The following ITGAE variants were observed in gnomAD, a reference collection of about 807,000 sequenced individuals.
The protein encoded by ITGAE is integrin subunit alpha E, also known as integrin alpha-E.
Under a neutral mutation model 136.5 loss-of-function variants are expected in ITGAE, and 99 were observed. That is an observed-to-expected ratio of 0.73 (90% confidence interval 0.62 to 0.86). The LOEUF (loss-of-function observed/expected upper bound fraction) is 0.86. Among genes scored for constraint, ITGAE ranks in the 40% least tolerant of loss-of-function variants. ITGAE has a pLI of 0.00. For missense variants in ITGAE, 1,447 were observed against 1,515.3 expected, an observed-to-expected ratio of 0.95 and a Z score of 0.75; for synonymous variants, 613 against 591.8, an observed-to-expected ratio of 1.04 and a Z score of -0.52.
At chr17:3,770,694 ATCC>A (rs1270257755) in intron 2 of ITGAE, among the ~76,000 whole-genome samples, 1 of 152,008 alleles carries the variant, frequency 6.6e-6, no homozygotes, top group Non-Finnish European at 1.5e-5. Flanking sequence ...CTCCCACCAC[ATCC>A]TCCTCCCCAG....
chr17:3,731,092 G>A lies in ITGAE; in HGVS notation c.2834+12C>T, dbSNP rs762200614. On this transcript the variant is annotated intron_variant, in intron 23 of 30. Transcript: ENST00000263087. ...CATAGCCTGACTCTGCTGTGACCCA[G>A]GCAGTACTTACTTGGTGACAGTCAC... 7.5e-6 allele frequency: 12 copies of A among 1,607,582 alleles called. No homozygotes were observed. The Admixed American group carries it at 2.0e-4, about 27-fold the overall frequency.
intron 2 of ITGAE, among the ~76,000 whole-genome samples, chr17:3,773,831 G>A (rs2052481923): frequency 6.6e-6 from 1 of 152,272 alleles, no homozygotes. Context: ...GAAGCTATCT[G>A]GGGGCTGCCG....
chr17:3,745,976 G>A lies in ITGAE; in HGVS notation c.2156-49C>T, dbSNP rs75840428. On this transcript the variant is annotated intron_variant, in intron 17 of 30. Transcript: ENST00000263087. Reference sequence around the variant, plus strand: ...CCGATGAGGTGGGGATGAGCCAGCCGCAGACAGAAGGCCCCCAGCCTGCCT... The same window carrying A: ...CCGATGAGGTGGGGATGAGCCAGCCACAGACAGAAGGCCCCCAGCCTGCCT... 1,604 of 1,554,536 alleles carry A rather than the reference G, an allele frequency of 1.0e-3. 15 individuals carry two copies. In the African/African-American group the frequency reaches 0.017, roughly 17 times the overall value.
chr17:3,728,036 A>T lies in ITGAE; in HGVS notation c.2977-10T>A, dbSNP rs1363647648. Reference sequence around the variant, plus strand: ...GGTTCTCCCCATGTACCTGCAAATTAAAATCAGAGTAGGAAATCAAAGCTG... The same window carrying T: ...GGTTCTCCCCATGTACCTGCAAATTTAAATCAGAGTAGGAAATCAAAGCTG... On this transcript the variant is annotated splice_polypyrimidine_tract_variant and intron_variant, in intron 25 of 30. Coordinates refer to ENST00000263087, the MANE Select transcript of ITGAE (RefSeq NM_002208.5). 1.9e-6 allele frequency: 3 copies of T among 1,611,388 alleles called. No individual in the cohort carries two copies. In the Admixed American group the frequency reaches 5.0e-5, roughly 27 times the overall value.
intron 19 of ITGAE, among the ~76,000 whole-genome samples, chr17:3,741,070 A>AT (rs58434003): frequency 0.35 from 26,869 of 76,982 alleles, 5,811 homozygotes; most frequent in Non-Finnish European, 0.41. Context: ...TTTTTGTTGT[A>AT]TTTTTTTTTT....
Position 3,756,382 on chromosome 17 carries a change from C to T in ITGAE, c.1172-485G>A, listed in dbSNP as rs59173562. Among the ~76,000 whole-genome samples the T allele has an allele frequency of 9.2e-3, 1,385 of 150,708 alleles. 22 individuals are homozygous for T. Among genetic ancestry groups the T allele is most frequent in the African/African-American group, 0.029 (1,176 of 41,024 alleles). On this transcript the variant is annotated intron_variant, in intron 10 of 30. Transcript: ENST00000263087. ...CAAGTAGCTGGGAATAGAGGTCATG[C>T]GCCACCACGCCTGGCTAATTTTTTT...
At chr17:3,791,576 C>T (rs927497564) in intron 1 of ITGAE, among the ~76,000 whole-genome samples, 1 of 152,178 alleles carries the variant, frequency 6.6e-6, no homozygotes, top group Non-Finnish European at 1.5e-5. Flanking sequence ...AGCCACCACG[C>T]CCGGCCCTTC....
chr17:3,796,643 G>A (rs1206865916), intron 1 of ITGAE, among the ~76,000 whole-genome samples: 11 of 151,068 alleles, frequency 7.3e-5, no homozygotes, highest in African/African-American at 2.7e-4. Context: ...AGCTACACCA[G>A]TGTCTGTCAC....
intron 1 of ITGAE, among the ~76,000 whole-genome samples, chr17:3,797,708 G>A (rs954641697): frequency 1.1e-4 from 17 of 150,970 alleles, no homozygotes; most frequent in African/African-American, 1.7e-4. Context: ...TGCTCTGCCC[G>A]CCTTGGCCTC....
chr17:3,726,585 C>T (rs574317124), intron 26 of ITGAE: 10 of 448,464 alleles, frequency 2.2e-5, no homozygotes, highest in African/African-American at 1.2e-4. Flanking sequence ...CCCAGCTACT[C>T]GGGAGGCTGA....
chr17:3,765,849 C>G (rs1567544273), intron 2 of ITGAE, among the ~76,000 whole-genome samples: 1 of 152,212 alleles, frequency 6.6e-6, no homozygotes, highest in Non-Finnish European at 1.5e-5. Context: ...GGCACACTCT[C>G]CCTAGTGATC....
At position 3,731,203 on chromosome 17, in the gene ITGAE, A is replaced by G. The variant is rs1304431481; in HGVS notation, c.2755-20T>C. 4.4e-6 allele frequency: 7 copies of G among 1,600,852 alleles called. No homozygotes were observed. The highest frequency in any genetic ancestry group is 6.0e-6 in the Non-Finnish European group (7 of 1,168,316). On this transcript the variant is annotated intron_variant, in intron 22 of 30. Coordinates refer to ENST00000263087, the MANE Select transcript of ITGAE (RefSeq NM_002208.5). ...ATGAGCCTATTTTAAAGGGGGAAAA[A>G]TGGTCAGTTGATTCTCTCTATGCCA...
rs535862662 is a variant in ITGAE, at chr17:3,761,409, C to T, written c.427G>A (p.Asp143Asn). 8.7e-6 allele frequency: 14 copies of T among 1,611,000 alleles called. No individual in the cohort carries two copies. The highest frequency in any genetic ancestry group is 2.2e-5 in the East Asian group (1 of 44,876). The change falls in exon 5 of 31, where the codon GAC becomes AAC. Residue 143 changes from aspartate to asparagine, a missense_variant. Coordinates refer to ENST00000263087, the MANE Select transcript of ITGAE (RefSeq NM_002208.5). ...LRPQAQANFF[D>N]LENLLDPDAR... ...GTGAATGTCCAATCCTTACCAAGGT[C>T]GAAGAAGTTGGCCTGAGCCTGGGGA...
At chr17:3,764,457 G>A (rs2052245959) in intron 2 of ITGAE, among the ~76,000 whole-genome samples, 1 of 152,244 alleles carries the variant, frequency 6.6e-6, no homozygotes, top group African/African-American at 2.4e-5. Context: ...AGCACTTTGG[G>A]AGGCTGAGGC....
At chr17:3,785,078 G>A (rs1846896553) in intron 1 of ITGAE, among the ~76,000 whole-genome samples, 1 of 152,160 alleles carries the variant, frequency 6.6e-6, no homozygotes, top group African/African-American at 2.4e-5. Context: ...CTTGAGCCCA[G>A]GAGGTGGAGG....
chr17:3,753,337 C>G lies in ITGAE; in HGVS notation c.1621G>C (p.Val541Leu). The part of the protein sequence containing the change: ...FLLVAAPFYH[V>L]HGEEGRVYVY... Reference sequence around the variant, plus strand: ...TAGACTCTGCCTTCTTCTCCATGAACGTGGTAAAATGGAGCAGCCACCAGC... The same window carrying G: ...TAGACTCTGCCTTCTTCTCCATGAAGGTGGTAAAATGGAGCAGCCACCAGC... Residue 541 changes from valine to leucine, a missense_variant, in exon 14 of 31, where the codon GTT becomes CTT. By Grantham distance (32) the Val-to-Leu change is conservative. Coordinates refer to ENST00000263087, the MANE Select transcript of ITGAE (RefSeq NM_002208.5). 6.2e-7 allele frequency: 1 copy of G among 1,614,176 alleles called. No homozygotes were observed.
chr17:3,796,148 CGTGT>C lies in ITGAE; in HGVS notation c.34+4959_34+4962del, dbSNP rs71155807. 1.3e-3 allele frequency among the ~76,000 whole-genome samples: 164 copies of C among 130,350 alleles called. 7 individuals are homozygous for C. The highest frequency in any genetic ancestry group is 2.2e-3 in the African/African-American group (76 of 34,080). 85.5% of individuals were successfully genotyped at this position (130,350 alleles called of 152,430 possible). Reference sequence around the variant, plus strand: ...GTGTGTGCATCCATGTGTGTGCATCCGTGTGTGTGTGTGTGTGCATCCGTGTGTG... The same window carrying C: ...GTGTGTGCATCCATGTGTGTGCATCCGTGTGTGTGTGTGCATCCGTGTGTG... On this transcript the variant is annotated intron_variant, in intron 1 of 30. Coordinates refer to ENST00000263087, the MANE Select transcript of ITGAE (RefSeq NM_002208.5).
At position 3,717,020 on chromosome 17, in the gene ITGAE, C is replaced by T. The variant is rs555119696; in HGVS notation, c.3334-222G>A. 5.2e-5 allele frequency: 24 copies of T among 457,900 alleles called. No homozygotes were observed. The East Asian group carries it at 8.5e-4, about 16-fold the overall frequency. The allele number at this position is 457,900 out of a possible 1,614,324, so 28.4% of individuals were successfully genotyped here. On this transcript the variant is annotated intron_variant, in intron 29 of 30. Transcript: ENST00000263087. Reference sequence around the variant, plus strand: ...ATACTTCGTAAGAAACTATTCTGGCCCCTTATCTAGAAGGGCTAGGTCTGT... The same window carrying T: ...ATACTTCGTAAGAAACTATTCTGGCTCCTTATCTAGAAGGGCTAGGTCTGT...
In ITGAE at chr17:3,761,082, G is replaced by A. The variant is rs1335009363; in HGVS notation, c.529C>T (p.Arg177Cys). 1.2e-5 allele frequency: 20 copies of A among 1,611,242 alleles called. No individual in the cohort carries two copies. The highest frequency in any genetic ancestry group is 2.2e-5 in the South Asian group (2 of 91,024). ...TCCTCCTCCTTCTCCAGAGCCCGGC[G>A]CTGCCTGGCTGTGTTCACATCGTCT... The part of the protein sequence containing the change: ...GEDDVNTARQ[R>C]RALEKEEEED... The change falls in exon 6 of 31, where the codon CGC becomes TGC. Residue 177 changes from arginine (R) to cysteine (C), a missense_variant. Transcript: ENST00000263087.
Sources: allele counts gnomAD v4.1 joint callset (sites outside exome capture counted in the v4.1 genomes callset), GRCh38; gene constraint gnomAD v4.1.1; transcripts MANE v1.5; gene names NCBI Gene and HGNC (gene_info 2026-07-23, HGNC 2026-07-21).